Variants in KLHL18 observed in about 807,000 individuals in gnomAD.
KLHL18 encodes kelch-like protein 18.
Under a neutral mutation model 58.5 loss-of-function variants are expected in KLHL18, and 38 were observed. That is an observed-to-expected ratio of 0.65 (90% CI 0.50 to 0.85). KLHL18 has a LOEUF of 0.85. KLHL18 is among the 40% of genes least tolerant of loss of function. The probability of loss-of-function intolerance (pLI) is 0.00; values close to 1 mark genes in which losing one functional copy is unlikely to be tolerated. For synonymous variants in KLHL18, 303 were observed against 301.9 expected (o/e 1.00, Z -0.04); for missense variants, 624 against 778.4 (o/e 0.80, Z 2.36).
intron 8 of KLHL18, among the ~76,000 whole-genome samples, chr3:47,341,706 G>A (rs1704112002): frequency 6.6e-6 from 1 of 152,128 alleles, no homozygotes; most frequent in African/African-American, 2.4e-5. Flanking sequence ...ACGGAGCAGG[G>A]TGGGTGGCAT....
intron 1 of KLHL18, among the ~76,000 whole-genome samples, chr3:47,285,445 C>T (rs972422315): frequency 1.3e-5 from 2 of 152,050 alleles, no homozygotes; most frequent in African/African-American, 4.8e-5. Context: ...GGCTGGGCAC[C>T]GTGGCTCACG....
intron 2 of KLHL18, among the ~76,000 whole-genome samples, chr3:47,321,322 C>T (rs533290311): frequency 5.3e-5 from 8 of 149,862 alleles, no homozygotes; most frequent in Non-Finnish European, 8.9e-5. Context: ...AGGCACCTGC[C>T]GTTTTTTTTT....
chr3:47,317,058 A>G (rs766288397), intron 1 of KLHL18, among the ~76,000 whole-genome samples: 3 of 152,168 alleles, frequency 2.0e-5, no homozygotes, highest in Admixed American at 2.0e-4. Context: ...TGAGGGTAGT[A>G]AAGACATTTT....
intron 1 of KLHL18, among the ~76,000 whole-genome samples, chr3:47,310,656 C>T (rs1389548948): frequency 6.6e-6 from 1 of 152,198 alleles, no homozygotes; most frequent in East Asian, 1.9e-4. Flanking sequence ...GTCATTTACT[C>T]CTGACTTTGT....
intron 1 of KLHL18, among the ~76,000 whole-genome samples, chr3:47,308,325 G>C (rs1434254935): frequency 4.6e-5 from 7 of 151,972 alleles, no homozygotes; most frequent in Non-Finnish European, 1.0e-4. Context: ...GCTGAGGTTT[G>C]GGTTTCCATT....
chr3:47,343,362 T>C (rs977933892), intron 9 of KLHL18, among the ~76,000 whole-genome samples, 193 bp from the exon 10 acceptor site: 2 of 152,092 alleles, frequency 1.3e-5, no homozygotes, highest in Admixed American at 1.3e-4. Context: ...AAGGGTTAGG[T>C]GAGGTGACCT....
At chr3:47,321,170 G>A (rs1237703835) in intron 2 of KLHL18, among the ~76,000 whole-genome samples, 1 of 151,938 alleles carries the variant, frequency 6.6e-6, no homozygotes, top group African/African-American at 2.4e-5. Context: ...TTTTTTTGGG[G>A]GGAGTGGAGG....
At chr3:47,312,318 CTAA>C (rs1703320998) in intron 1 of KLHL18, among the ~76,000 whole-genome samples, 1 of 152,144 alleles carries the variant, frequency 6.6e-6, no homozygotes, top group South Asian at 2.1e-4. Context: ...GAACCTAACT[CTAA>C]TACTTTAAAT....
In KLHL18 at chr3:47,336,668, T is replaced by C. The variant is rs748352445; in HGVS notation, c.1032T>C (p.Tyr344=). Residue 344 remains tyrosine (Y), a synonymous_variant, in exon 7 of 10, where the codon TAT becomes TAC. Transcript: ENST00000232766. Reference sequence around the variant, plus strand: ...GGCTTCTCTATGCCATCGGAGGATATGACGGCCAGCTACGGCTGAGCACTG... The same window carrying C: ...GGCTTCTCTATGCCATCGGAGGATACGACGGCCAGCTACGGCTGAGCACTG... ...VNGLLYAIGG[Y]DGQLRLSTVE... 1.2e-6 allele frequency: 2 copies of C among 1,614,212 alleles called. No homozygotes were observed. Among genetic ancestry groups the C allele is most frequent in the South Asian group, 2.2e-5 (2 of 91,090 alleles).
At chr3:47,336,067 A>G (rs1470427714) in intron 6 of KLHL18, among the ~76,000 whole-genome samples, 2 of 152,234 alleles carry the variant, frequency 1.3e-5, no homozygotes, top group Non-Finnish European at 2.9e-5. Flanking sequence ...AGTTTATTCT[A>G]GAACCATGCT....
intron 1 of KLHL18, among the ~76,000 whole-genome samples, chr3:47,315,555 A>G (rs1339016618): frequency 6.6e-6 from 1 of 152,228 alleles, no homozygotes; most frequent in Non-Finnish European, 1.5e-5. Flanking sequence ...AGACTGGAAG[A>G]TCGTGCTCTG....
chr3:47,343,732 C>T lies in KLHL18; in HGVS notation c.1516C>T (p.Leu506=). 1 of 1,614,216 alleles carries T rather than the reference C, an allele frequency of 6.2e-7. No individual in the cohort carries two copies. Among genetic ancestry groups the T allele is most frequent in the Middle Eastern group, 1.6e-4 (1 of 6,062 alleles). ...CAGCTCTGTGGCAGACCAGTGGTGC[C>T]TGATTGTCCCCATGCACACGCGCAG... is the stretch of plus-strand genomic sequence containing the variant. ...MYSSVADQWC[L]IVPMHTRRSR... Residue 506 remains leucine (L), a synonymous_variant, in exon 10 of 10, where the codon CTG becomes TTG. Coordinates refer to ENST00000232766, the MANE Select transcript of KLHL18 (RefSeq NM_025010.5).
At chr3:47,289,245 G>A (rs535521494) in intron 1 of KLHL18, among the ~76,000 whole-genome samples, 3 of 152,178 alleles carry the variant, frequency 2.0e-5, no homozygotes, top group Non-Finnish European at 4.4e-5. Context: ...GCTGATAAAT[G>A]GTTCCTGAAA....
intron 7 of KLHL18, among the ~76,000 whole-genome samples, chr3:47,339,017 C>T (rs1704047686): frequency 6.6e-6 from 1 of 152,098 alleles, no homozygotes; most frequent in Non-Finnish European, 1.5e-5. Flanking sequence ...ACCCCTGGGT[C>T]TTTGATATTA....
intron 1 of KLHL18, among the ~76,000 whole-genome samples, chr3:47,301,180 T>C (rs1450489290): frequency 6.6e-6 from 1 of 152,168 alleles, no homozygotes; most frequent in Non-Finnish European, 1.5e-5. Flanking sequence ...AGTATGTAGA[T>C]TGTCTTTTAA....
intron 1 of KLHL18, among the ~76,000 whole-genome samples, chr3:47,290,238 G>A (rs932025336): frequency 6.6e-6 from 1 of 152,160 alleles, no homozygotes; most frequent in Non-Finnish European, 1.5e-5. Context: ...TGAGCACAGA[G>A]GGCAAAGATG....
At chr3:47,333,380 C>T in intron 5 of KLHL18, 63 bp downstream of exon 5, 2 of 1,486,716 alleles carry the variant, frequency 1.3e-6, no homozygotes, top group South Asian at 2.5e-5. Context: ...AGGAGTTGGC[C>T]ACCTGTTCCA....
chr3:47,293,751 C>T (rs751818747), intron 1 of KLHL18, among the ~76,000 whole-genome samples: 1 of 152,166 alleles, frequency 6.6e-6, no homozygotes, highest in Non-Finnish European at 1.5e-5. Flanking sequence ...TATAATTCTA[C>T]CCCATTTGTC....
chr3:47,320,610 C>T (rs295434), intron 2 of KLHL18, among the ~76,000 whole-genome samples: 145,753 of 152,252 alleles, frequency 0.96, 70,108 homozygotes, highest in East Asian at 1. Context: ...TTTATATACC[C>T]ATGGCAAGGT....
Sources: allele counts gnomAD v4.1 joint callset (sites outside exome capture counted in the v4.1 genomes callset), GRCh38; gene constraint gnomAD v4.1.1; transcripts MANE v1.5; gene names NCBI Gene and HGNC (gene_info 2026-07-23, HGNC 2026-07-21).